Variants in ZDHHC14 observed in about 807,000 individuals in gnomAD.
ZDHHC14 encodes palmitoyltransferase ZDHHC14.
In ZDHHC14, 16 loss-of-function variants were observed where a neutral mutation model predicts 47.7. That is an observed-to-expected ratio of 0.34 (90% CI 0.23 to 0.51). The LOEUF is 0.51. Among genes scored for constraint, ZDHHC14 ranks in the 20% least tolerant of loss-of-function variants. The pLI is 0.97. For synonymous variants in ZDHHC14, 293 were observed against 278.9 expected (o/e 1.05, Z -0.50); for missense variants, 515 against 662.5 (o/e 0.78, Z 2.44).
chr6:157,511,614 G>A (rs973812459), intron 1 of ZDHHC14, among the ~76,000 whole-genome samples: 4 of 146,064 alleles, frequency 2.7e-5, no homozygotes, highest in Admixed American at 2.2e-4. Flanking sequence ...GGCTGGTCTC[G>A]AACTCTCAAC....
chr6:157,560,415 C>T (rs1037228882), intron 2 of ZDHHC14, among the ~76,000 whole-genome samples: 1 of 152,074 alleles, frequency 6.6e-6, no homozygotes, highest in Non-Finnish European at 1.5e-5. Flanking sequence ...GTTGTTAGAA[C>T]GTCTTAAAAT....
intron 7 of ZDHHC14, among the ~76,000 whole-genome samples, chr6:157,650,940 A>G (rs1777804077): frequency 6.6e-6 from 1 of 151,974 alleles, no homozygotes; most frequent in African/African-American, 2.4e-5. Flanking sequence ...GGGGTCTGAG[A>G]GCACCTGACT....
intron 1 of ZDHHC14, among the ~76,000 whole-genome samples, chr6:157,490,536 A>T (rs1368409492): frequency 6.6e-6 from 1 of 152,200 alleles, no homozygotes; most frequent in African/African-American, 2.4e-5. Flanking sequence ...AAAATTCTTA[A>T]GGCAACCTAT....
intron 5 of ZDHHC14, among the ~76,000 whole-genome samples, chr6:157,637,055 A>G (rs1777022808): frequency 6.6e-6 from 1 of 152,224 alleles, no homozygotes; most frequent in African/African-American, 2.4e-5. Flanking sequence ...AAGAGTAAGC[A>G]TGCGTTGGGT....
chr6:157,467,457 A>C (rs1046910727), intron 1 of ZDHHC14, among the ~76,000 whole-genome samples: 1 of 152,000 alleles, frequency 6.6e-6, no homozygotes, highest in Non-Finnish European at 1.5e-5. Flanking sequence ...TCTCTCACTC[A>C]GCATAGTGTG....
At chr6:157,659,850 C>G (rs1778269881) in intron 8 of ZDHHC14, among the ~76,000 whole-genome samples, 5 of 152,182 alleles carry the variant, frequency 3.3e-5, no homozygotes, top group Admixed American at 3.3e-4. Flanking sequence ...CCCAATTAGA[C>G]AGATGGGAAA....
chr6:157,612,017 C>A (rs1373959185), intron 3 of ZDHHC14, among the ~76,000 whole-genome samples: 1 of 151,224 alleles, frequency 6.6e-6, no homozygotes, highest in Admixed American at 6.6e-5. Context: ...ATAAAAGCAC[C>A]CCAAATCATC....
At position 157,436,040 on chromosome 6, in the gene ZDHHC14, G is replaced by A. The variant is rs187228597; in HGVS notation, c.245+53774G>A. ...TAGTTTATTTTGACTGGTGACTTGG[G>A]CAAGGAGAGGGCACTGAGTAGCTGA... On this transcript the variant is annotated intron_variant, in intron 1 of 8. Coordinates refer to ENST00000359775, the MANE Select transcript of ZDHHC14 (RefSeq NM_024630.3). Among the ~76,000 whole-genome samples the A allele has an allele frequency of 3.3e-5, 5 of 152,212 alleles. No individual in the cohort carries two copies. In the East Asian group the frequency reaches 7.7e-4, roughly 24 times the overall value.
intron 1 of ZDHHC14, among the ~76,000 whole-genome samples, chr6:157,406,570 T>C (rs1465851639): frequency 3.3e-5 from 5 of 152,358 alleles, no homozygotes; most frequent in Admixed American, 1.3e-4. Context: ...TGCTAACTTA[T>C]GGGGCACCTT....
At chr6:157,538,743 A>G (rs1562468743) in intron 1 of ZDHHC14, among the ~76,000 whole-genome samples, 1 of 152,150 alleles carries the variant, frequency 6.6e-6, no homozygotes, top group Non-Finnish European at 1.5e-5. Flanking sequence ...GAGCCCAGAA[A>G]CTCTACCAAG....
At chr6:157,514,756 G>A (rs975020696) in intron 1 of ZDHHC14, among the ~76,000 whole-genome samples, 2 of 152,172 alleles carry the variant, frequency 1.3e-5, no homozygotes, top group Admixed American at 6.5e-5. Context: ...TCTCTTCCCC[G>A]CTGGGCGGTG....
rs564903775 is a variant in ZDHHC14 at position 157,430,733 on chromosome 6, G to A, written c.245+48467G>A. On this transcript the variant is annotated intron_variant, in intron 1 of 8. Transcript: ENST00000359775. The stretch of plus-strand genomic sequence containing the variant: ...ACTTAACGTATTCACAGGTTCTGGC[G>A]ATTAGCGTATGGACATCTCTGTGGG... 5.9e-5 allele frequency among the ~76,000 whole-genome samples: 9 copies of A among 152,330 alleles called. No homozygotes were observed. In the South Asian group the frequency reaches 6.2e-4, roughly 11 times the overall value.
At chr6:157,584,705 C>G (rs1783626104) in intron 2 of ZDHHC14, among the ~76,000 whole-genome samples, 1 of 152,196 alleles carries the variant, frequency 6.6e-6, no homozygotes, top group Admixed American at 6.5e-5. Flanking sequence ...CTTGAGCCCA[C>G]ATGCCGCACA....
intron 1 of ZDHHC14, among the ~76,000 whole-genome samples, chr6:157,397,679 G>C (rs1163591468): frequency 1.3e-5 from 2 of 152,190 alleles, no homozygotes; most frequent in Non-Finnish European, 2.9e-5. Flanking sequence ...GTGTTCACAG[G>C]TTCTGGGGAT....
At chr6:157,590,981 C>A (rs994987262) in intron 2 of ZDHHC14, among the ~76,000 whole-genome samples, 8 of 152,236 alleles carry the variant, frequency 5.3e-5, no homozygotes, top group African/African-American at 1.4e-4. Flanking sequence ...GCTTTAATGA[C>A]TGACCTATTA....
chr6:157,426,832 A>G (rs1004055379), intron 1 of ZDHHC14, among the ~76,000 whole-genome samples: 3 of 152,228 alleles, frequency 2.0e-5, no homozygotes, highest in African/African-American at 7.2e-5. Context: ...ACCTTTGGCC[A>G]TTGGGAGGCC....
At chr6:157,404,705 A>G (rs1057204466) in intron 1 of ZDHHC14, among the ~76,000 whole-genome samples, 2 of 152,212 alleles carry the variant, frequency 1.3e-5, no homozygotes, top group Non-Finnish European at 2.9e-5. Context: ...TAGATGCTGA[A>G]TGGAAGCTGG....
rs1038353811 is a variant in ZDHHC14 at position 157,673,562 on chromosome 6, G to A, written c.*440G>A. On this transcript the variant is annotated 3_prime_UTR_variant, in exon 9 of 9. Transcript: ENST00000359775. This position sits in a 1 kb window ranked among gnomAD's most constrained non-coding sequence, Gnocchi z 5.4. ...AAAAAAATCCTAAAGGGAAAAAACC[G>A]ACCAGGTGTGGATCTGCATGCCACG... 2.3e-4 allele frequency: 38 copies of A among 166,094 alleles called. 1 individual carries two copies. Among genetic ancestry groups the A allele is most frequent in the Admixed American group, 7.7e-4 (12 of 15,548 alleles). 10.3% of individuals were successfully genotyped at this position (166,094 alleles called of 1,614,324 possible). A position where few individuals can be genotyped will look rare whatever the true frequency, so the allele number is the denominator to read the frequency against.
chr6:157,382,071 T>C lies in ZDHHC14; in HGVS notation c.50T>C (p.Ile17Thr). The C allele has an allele frequency of 1.2e-6, 2 of 1,604,900 alleles. No homozygotes were observed. Among genetic ancestry groups the C allele is most frequent in the Non-Finnish European group, 1.7e-6 (2 of 1,176,192 alleles). ...ATGAAAGACTGCGAGTACAGCCAGATCAGCACCCACAGCTCCTCCCCCATG... is the reference window on the plus strand; with the variant it reads ...ATGAAAGACTGCGAGTACAGCCAGACCAGCACCCACAGCTCCTCCCCCATG... ...GPMKDCEYSQ[I>T]STHSSSPMES... The change falls in exon 1 of 9, where the codon ATC (isoleucine) becomes ACC (threonine). Residue 17 changes from isoleucine (I) to threonine (T), a missense_variant. This residue lies in a region of ZDHHC14 where 59 missense variants were observed against 57.7 expected (regional missense o/e 1.02). Transcript: ENST00000359775.
Sources: gnomAD v4.1 joint callset for allele counts (sites outside exome capture counted in the v4.1 genomes callset) on GRCh38, gnomAD v4.1.1 for gene constraint, gnomAD v4.1.1 regional missense constraint, Gnocchi (gnomAD v3.1) non-coding constraint, MANE v1.5 for transcripts, NCBI Gene and HGNC (gene_info 2026-07-23, HGNC 2026-07-21) for gene names.